The following HNRNPL variants were observed in gnomAD, a reference collection of about 807,000 sequenced individuals.
HNRNPL encodes heterogeneous nuclear ribonucleoprotein L.
A neutral mutation model predicts 64.0 loss-of-function variants in HNRNPL; 12 were observed. That is an observed-to-expected ratio of 0.19 (90% CI 0.12 to 0.30). HNRNPL has a LOEUF of 0.30. HNRNPL is among the 10% of genes least tolerant of loss of function. The probability of loss-of-function intolerance (pLI) is 1.00; values close to 1 mark genes in which losing one functional copy is unlikely to be tolerated. For synonymous variants in HNRNPL, 385 were observed against 313.0 expected (o/e 1.23, Z -2.43); for missense variants, 484 against 797.4 (o/e 0.61, Z 4.73).
intron 1 of HNRNPL, chr19:38,849,425 A>G (rs1336051439): frequency 5.4e-6 from 2 of 371,570 alleles, no homozygotes; most frequent in Non-Finnish European, 9.4e-6. Flanking sequence ...CGGCCCCCAC[A>G]CGCCAGCCCG....
In HNRNPL at chr19:38,839,128, T is replaced by A. The variant is rs976139287; in HGVS notation, c.1234-113A>T. 6 of 1,347,896 alleles carry A rather than the reference T, an allele frequency of 4.5e-6. No homozygotes were observed. In the African/African-American group the frequency reaches 8.6e-5, roughly 19 times the overall value. The allele number at this position is 1,347,896 out of a possible 1,614,324, so 83.5% of individuals were successfully genotyped here. ...GCTCTGGCCTCCCATGTCCTCACAGTTAATCGGGACCACTAGAAAAACATG... is the reference window on the plus strand; with the variant it reads ...GCTCTGGCCTCCCATGTCCTCACAGATAATCGGGACCACTAGAAAAACATG... On this transcript the variant is annotated intron_variant, in intron 8 of 12. Transcript: ENST00000221419.
In HNRNPL at chr19:38,836,474, C is replaced by A; in HGVS notation, c.*248G>T. The A allele has an allele frequency of 1.1e-5, 4 of 364,116 alleles. No homozygotes were observed. The highest frequency in any genetic ancestry group is 4.4e-5 in the East Asian group (1 of 22,590). The allele number at this position is 364,116 out of a possible 1,614,324, so 22.6% of individuals were successfully genotyped here. A position where few individuals can be genotyped will look rare whatever the true frequency, so the allele number is the denominator to read the frequency against. On this transcript the variant is annotated 3_prime_UTR_variant, in exon 13 of 13. Coordinates refer to ENST00000221419, the MANE Select transcript of HNRNPL (RefSeq NM_001533.3). Reference sequence around the variant, plus strand: ...ATGTATGAACAGGAAAAAAAAAAATCACATGTACAATAATTTTTTAAAAGT... The same window carrying A: ...ATGTATGAACAGGAAAAAAAAAAATAACATGTACAATAATTTTTTAAAAGT...
intron 9 of HNRNPL, 125 bp from the exon 10 acceptor site, chr19:38,838,723 G>A (rs924971704): frequency 7.7e-7 from 1 of 1,298,324 alleles, no homozygotes; most frequent in Admixed American, 1.8e-5. Flanking sequence ...CCTGAGGCAA[G>A]GCTGACTCAC....
intron 6 of HNRNPL, chr19:38,840,935 C>T (rs924354056): frequency 4.0e-6 from 1 of 248,806 alleles, no homozygotes; most frequent in African/African-American, 2.3e-5. Context: ...AAAGTGACTC[C>T]CAATGAAGGG....
At chr19:38,850,121 G>T, upstream of HNRNPL, 1 of 560,166 alleles carries the variant, frequency 1.8e-6, no homozygotes. Flanking sequence ...TGCCCACGCC[G>T]TTCTGCAGGA....
chr19:38,850,204 C>A (rs1568377324), upstream of HNRNPL: 5 of 408,420 alleles, frequency 1.2e-5, no homozygotes, highest in Non-Finnish European at 2.2e-5. Context: ...TCGACCCCGC[C>A]GCCTTAAAAT....
rs1023324219 is a variant in HNRNPL at position 38,837,420 on chromosome 19, G to A, written c.1675C>T (p.Leu559=). The change falls in exon 12 of 13, where the codon CTG becomes TTG. Residue 559 remains leucine (L), a synonymous_variant. Coordinates refer to ENST00000221419, the MANE Select transcript of HNRNPL (RefSeq NM_001533.3). The part of the protein sequence containing the change: ...WESKSDALET[L]GFLNHYQMKN... Reference sequence around the variant, plus strand: ...ATCTGGTAATGGTTCAGGAAGCCCAGAGTCTCCAGGGCATCGCTCTTGGAT... The same window carrying A: ...ATCTGGTAATGGTTCAGGAAGCCCAAAGTCTCCAGGGCATCGCTCTTGGAT... The A allele has an allele frequency of 2.5e-6, 4 of 1,614,220 alleles. No individual in the cohort carries two copies. Among genetic ancestry groups the A allele is most frequent in the Non-Finnish European group, 2.5e-6 (3 of 1,180,018 alleles).
At chr19:38,839,288 C>A in intron 8 of HNRNPL, 1 of 427,376 alleles carries the variant, frequency 2.3e-6, no homozygotes. Context: ...GAAATCAAAT[C>A]AGCCATTTTC....
chr19:38,839,138 C>T (rs1972026294), intron 8 of HNRNPL, 123 bp from the exon 9 acceptor site: 1 of 1,261,630 alleles, frequency 7.9e-7, no homozygotes. Flanking sequence ...TTAATCGGGA[C>T]CACTAGAAAA....
At chr19:38,849,552 G>T (rs552892173) in intron 1 of HNRNPL, 148 bp downstream of exon 1, 5 of 1,116,458 alleles carry the variant, frequency 4.5e-6, no homozygotes, top group Non-Finnish European at 5.7e-6. Context: ...CCCGCCGTTT[G>T]CCCAACGGCC....
At chr19:38,841,652 G>C (rs1972121897) in intron 6 of HNRNPL, 1 of 1,285,782 alleles carries the variant, frequency 7.8e-7, no homozygotes, top group Non-Finnish European at 1.0e-6. Flanking sequence ...AGTTCTGAAA[G>C]ATGGCGTCCC....
upstream of HNRNPL, among the ~76,000 whole-genome samples, chr19:38,852,024 G>A (rs1276418217): frequency 2.0e-5 from 3 of 151,712 alleles, no homozygotes; most frequent in Non-Finnish European, 4.4e-5. Flanking sequence ...ATGCGGTGGG[G>A]GGAGGGGGAG....
At chr19:38,849,584 C>T (rs1972430863) in intron 1 of HNRNPL, 116 bp downstream of exon 1, 2 of 1,250,344 alleles carry the variant, frequency 1.6e-6, no homozygotes, top group South Asian at 3.0e-5. Context: ...ACACCGTCAA[C>T]GACGCGATGG....
At chr19:38,850,497 C>T (rs540802061), upstream of HNRNPL, among the ~76,000 whole-genome samples, 369 of 152,348 alleles carry the variant, frequency 2.4e-3, 1 homozygote, top group African/African-American at 8.5e-3. Context: ...CGCACCCTCT[C>T]ACCAGATGGT....
At position 38,846,042 on chromosome 19, in the gene HNRNPL, T is replaced by C. The variant is rs1333772957; in HGVS notation, c.435A>G (p.Glu145=). 1 of 1,614,052 alleles carries C rather than the reference T, an allele frequency of 6.2e-7. No homozygotes were observed. Among genetic ancestry groups the C allele is most frequent in the African/African-American group, 1.3e-5 (1 of 74,920 alleles). ...CTGCGTTGCAAGCCCCCAACACATC[T>C]TCAAACTCCACCAGTGCTTGTCTCT... ...PKKRQALVEF[E]DVLGACNAVN... Residue 145 remains glutamate (E), a synonymous_variant, in exon 3 of 13, where the codon GAA becomes GAG. Coordinates refer to ENST00000221419, the MANE Select transcript of HNRNPL (RefSeq NM_001533.3).
intron 6 of HNRNPL, 65 bp downstream of exon 6, chr19:38,843,777 T>C: frequency 2.3e-6 from 3 of 1,326,526 alleles, no homozygotes; most frequent in Non-Finnish European, 3.3e-6. Flanking sequence ...CCCAGGCCTA[T>C]TAAGTGCACT....
At chr19:38,846,207 T>A in intron 2 of HNRNPL, 117 bp from the exon 3 acceptor site, 1 of 803,468 alleles carries the variant, frequency 1.2e-6, no homozygotes, top group Non-Finnish European at 2.1e-6. Flanking sequence ...TGCAACCCTA[T>A]CATGGTTCCC....
chr19:38,836,734 C>G lies in HNRNPL; in HGVS notation c.1758G>C (p.Gln586His). ...YTLKLCFSTA[Q>H]HAS ...CCTAGGCACCTAATTAGGAGGCGTGCTGAGCAGTGGAGAAACACAACTTCA... is the reference window on the plus strand; with the variant it reads ...CCTAGGCACCTAATTAGGAGGCGTGGTGAGCAGTGGAGAAACACAACTTCA... Residue 586 changes from glutamine (Q) to histidine (H), a missense_variant, in exon 13 of 13, where the codon CAG (glutamine) becomes CAC (histidine). This residue lies in a region of HNRNPL where 69 missense variants were observed against 91.8 expected (regional missense o/e 0.75). Transcript: ENST00000221419. 1 of 1,611,522 alleles carries G rather than the reference C, an allele frequency of 6.2e-7. No homozygotes were observed. The highest frequency in any genetic ancestry group is 8.5e-7 in the Non-Finnish European group (1 of 1,178,390).
intron 2 of HNRNPL, 124 bp downstream of exon 2, chr19:38,847,192 A>G: frequency 1.9e-6 from 1 of 514,158 alleles, no homozygotes; most frequent in Non-Finnish European, 3.5e-6. Flanking sequence ...CCAAAAGCAG[A>G]GCGGCCACAG....
Sources: allele counts gnomAD v4.1 joint callset (sites outside exome capture counted in the v4.1 genomes callset), GRCh38; gene constraint gnomAD v4.1.1; regional missense constraint gnomAD v4.1.1; transcripts MANE v1.5; gene names NCBI Gene and HGNC (gene_info 2026-07-23, HGNC 2026-07-21).